TCF7L1: variants seen among roughly 807,000 people sequenced by gnomAD.
The protein encoded by TCF7L1 is transcription factor 7 like 1.
Under a neutral mutation model 63.7 loss-of-function variants are expected in TCF7L1, and 18 were observed. The ratio of observed to expected loss-of-function variants is 0.28; its 90% CI spans 0.20 to 0.42. The LOEUF (loss-of-function observed/expected upper bound fraction) is 0.42, where lower values mean the gene tolerates loss of function less well. Among genes scored for constraint, TCF7L1 ranks in the 10% least tolerant of loss-of-function variants. The pLI is 1.00. For missense variants in TCF7L1, 654 were observed against 779.3 expected, an observed-to-expected ratio of 0.84 and a Z score of 1.91; for synonymous variants, 355 against 340.9, an observed-to-expected ratio of 1.04 and a Z score of -0.46.
chr2:85,308,342 T>C (rs1682168424), intron 11 of TCF7L1, among the ~76,000 whole-genome samples: 1 of 132,376 alleles, frequency 7.6e-6, no homozygotes, highest in African/African-American at 2.9e-5. Context: ...ATCTCTCTTC[T>C]TCATTCCTCC....
At chr2:85,305,067 G>A (rs971320672) in intron 7 of TCF7L1, among the ~76,000 whole-genome samples, 193 bp from the exon 8 acceptor site, 1 of 152,100 alleles carries the variant, frequency 6.6e-6, no homozygotes, top group Admixed American at 6.6e-5. Flanking sequence ...GGGTGTTGGT[G>A]GGGAGAAGGA....
chr2:85,221,500 G>T (rs955034884), intron 3 of TCF7L1, among the ~76,000 whole-genome samples: 2 of 152,190 alleles, frequency 1.3e-5, no homozygotes, highest in African/African-American at 4.8e-5. Flanking sequence ...GCATAGTGCC[G>T]ACATCTGCTC....
chr2:85,164,599 C>A (rs180983246), intron 3 of TCF7L1, among the ~76,000 whole-genome samples: 1 of 152,228 alleles, frequency 6.6e-6, no homozygotes, highest in Admixed American at 6.5e-5. Flanking sequence ...CACCCACAGA[C>A]AGAATTCAGG....
chr2:85,258,585 G>A (rs1371103777), intron 3 of TCF7L1, among the ~76,000 whole-genome samples: 2 of 152,200 alleles, frequency 1.3e-5, no homozygotes, highest in African/African-American at 4.8e-5. Flanking sequence ...GAACCCAGGA[G>A]TCTGGGAATT....
At chr2:85,192,922 C>G (rs1161188361) in intron 3 of TCF7L1, among the ~76,000 whole-genome samples, 4 of 151,964 alleles carry the variant, frequency 2.6e-5, no homozygotes, top group Admixed American at 2.6e-4. Flanking sequence ...CTCATGGCCT[C>G]AAGCAATCCT....
intron 3 of TCF7L1, among the ~76,000 whole-genome samples, chr2:85,151,986 ATAT>A (rs1678027713): frequency 6.6e-6 from 1 of 152,246 alleles, no homozygotes; most frequent in Non-Finnish European, 1.5e-5. Context: ...GAAGCTTAAA[ATAT>A]TATGAAATAG....
At chr2:85,168,061 G>T (rs1036630713) in intron 3 of TCF7L1, among the ~76,000 whole-genome samples, 1 of 151,394 alleles carries the variant, frequency 6.6e-6, no homozygotes, top group Non-Finnish European at 1.5e-5. Flanking sequence ...GTGTTGTTCG[G>T]TGGGTGTAAA....
chr2:85,192,130 C>T (rs964328651), intron 3 of TCF7L1, among the ~76,000 whole-genome samples: 19 of 152,210 alleles, frequency 1.2e-4, no homozygotes, highest in African/African-American at 4.6e-4. Flanking sequence ...AGCTGAGGGG[C>T]AGTGGTCTCC....
At position 85,133,689 on chromosome 2, in the gene TCF7L1, C is replaced by A. The variant is rs1291184134; in HGVS notation, c.5C>A (p.Pro2His). M[P>H]QLGGGGGGGG... ...GCCCCGGCCCGCGGCCCCACCATGC[C>A]CCAGCTCGGCGGCGGGGGCGGCGGC... Residue 2 changes from proline (P) to histidine (H), a missense_variant, in exon 1 of 12, where the codon CCC becomes CAC. This residue lies in a region of TCF7L1 where 404 missense variants were observed against 454.8 expected (regional missense o/e 0.89). Coordinates refer to ENST00000282111, the MANE Select transcript of TCF7L1 (RefSeq NM_031283.3). The surrounding 1 kb of genome is among the most constrained non-coding windows in gnomAD (Gnocchi z 4.4). The A allele has an allele frequency of 4.0e-6, 4 of 993,394 alleles. No homozygotes were observed. The highest frequency in any genetic ancestry group is 4.8e-6 in the Non-Finnish European group (4 of 836,188). The allele number at this position is 993,394 out of a possible 1,614,324, so 61.5% of individuals were successfully genotyped here.
intron 4 of TCF7L1, among the ~76,000 whole-genome samples, chr2:85,285,786 G>A (rs573789700): frequency 7.7e-4 from 117 of 152,274 alleles, no homozygotes; most frequent in African/African-American, 2.5e-3. Flanking sequence ...CTCCTGTGCC[G>A]TCTGCCAGCC....
intron 3 of TCF7L1, among the ~76,000 whole-genome samples, chr2:85,155,375 G>GTCTTCACAATA (rs1290377092): frequency 2.0e-5 from 3 of 152,126 alleles, no homozygotes; most frequent in Middle Eastern, 3.2e-3. Flanking sequence ...TGTTCTTTCG[G>GTCTTCACAATA]TCTTCACAAT....
chr2:85,246,821 C>T (rs1304988036), intron 3 of TCF7L1, among the ~76,000 whole-genome samples: 1 of 152,162 alleles, frequency 6.6e-6, no homozygotes, highest in African/African-American at 2.4e-5. Flanking sequence ...TACATGTACC[C>T]CCATGATGGT....
At chr2:85,181,407 G>A (rs1678803392) in intron 3 of TCF7L1, among the ~76,000 whole-genome samples, 1 of 152,212 alleles carries the variant, frequency 6.6e-6, no homozygotes, top group Non-Finnish European at 1.5e-5. Context: ...CCAGAGGTAC[G>A]GGTGTGCCTC....
chr2:85,196,068 G>A (rs1179223028), intron 3 of TCF7L1, among the ~76,000 whole-genome samples: 1 of 152,188 alleles, frequency 6.6e-6, no homozygotes, highest in East Asian at 1.9e-4. Context: ...CAAAACCAGA[G>A]TGGTGAGGAC....
At chr2:85,188,528 T>C (rs1172652729) in intron 3 of TCF7L1, among the ~76,000 whole-genome samples, 3 of 152,212 alleles carry the variant, frequency 2.0e-5, no homozygotes, top group Non-Finnish European at 2.9e-5. Flanking sequence ...TGTAAAAATA[T>C]GGACATACAG....
chr2:85,210,716 T>C (rs1679521876), intron 3 of TCF7L1, among the ~76,000 whole-genome samples: 2 of 152,164 alleles, frequency 1.3e-5, no homozygotes, highest in South Asian at 2.1e-4. Context: ...CGACTTAGTG[T>C]TCTAAATAAT....
intron 4 of TCF7L1, among the ~76,000 whole-genome samples, chr2:85,293,975 A>ACC (rs1213195661): frequency 6.7e-6 from 1 of 148,498 alleles, no homozygotes; most frequent in Non-Finnish European, 1.5e-5. Flanking sequence ...AGATTGCTGA[A>ACC]CCCCACCCCT....
At chr2:85,175,660 C>T (rs943255479) in intron 3 of TCF7L1, among the ~76,000 whole-genome samples, 1 of 152,148 alleles carries the variant, frequency 6.6e-6, no homozygotes, top group South Asian at 2.1e-4. Context: ...TTTTCACTGT[C>T]GCTGTTATCT....
At chr2:85,184,841 T>C (rs1678879566) in intron 3 of TCF7L1, among the ~76,000 whole-genome samples, 2 of 151,860 alleles carry the variant, frequency 1.3e-5, no homozygotes, top group South Asian at 4.1e-4. Flanking sequence ...TGCTGTTCAG[T>C]TTGGCCAGGC....
Sources: allele counts gnomAD v4.1 joint callset (sites outside exome capture counted in the v4.1 genomes callset), GRCh38; gene constraint gnomAD v4.1.1; regional missense constraint gnomAD v4.1.1; non-coding constraint Gnocchi (gnomAD v3.1); transcripts MANE v1.5; gene names NCBI Gene and HGNC (gene_info 2026-07-23, HGNC 2026-07-21).